The following PATJ variants were observed in gnomAD, a reference collection of about 807,000 sequenced individuals.
PATJ encodes the protein inaD-like protein.
PATJ carries 190 observed loss-of-function variants against 224.9 expected under a neutral mutation model. The ratio of observed to expected loss-of-function variants is 0.84; its 90% CI spans 0.75 to 0.95. The LOEUF is 0.95. PATJ is among the 40% of genes least tolerant of loss of function. PATJ has a pLI of 0.00. For missense variants in PATJ, 2,121 were observed against 2,270.3 expected, an observed-to-expected ratio of 0.93 and a Z score of 1.34; for synonymous variants, 769 against 820.3, an observed-to-expected ratio of 0.94 and a Z score of 1.07.
At position 61,795,802 on chromosome 1, in the gene PATJ, T is replaced by C. The variant is rs185705939; in HGVS notation, c.1260+244T>C. The stretch of plus-strand genomic sequence containing the variant: ...TAAAAAAGTATATTTTTTCTATACA[T>C]GTATGTTTGAAAGATGTTCTAGCAT... On this transcript the variant is annotated intron_variant, in intron 10 of 43. Transcript: ENST00000642238. Among the ~76,000 whole-genome samples, 4 of 152,300 alleles carry C rather than the reference T, an allele frequency of 2.6e-5. No homozygotes were observed. In the East Asian group the frequency reaches 5.8e-4, roughly 22 times the overall value.
At chr1:62,144,769 A>ATAT (rs1180544696) in intron 41 of PATJ, among the ~76,000 whole-genome samples, 14 of 58,696 alleles carry the variant, frequency 2.4e-4, no homozygotes, top group African/African-American at 9.2e-4. Flanking sequence ...TTATTTGCAA[A>ATAT]AAAAAAAAAT....
At chr1:61,965,102 AC>A (rs1357074425) in intron 27 of PATJ, among the ~76,000 whole-genome samples, 5 of 129,016 alleles carry the variant, frequency 3.9e-5, no homozygotes, top group African/African-American at 1.2e-4. Context: ...AGCCTGGGCC[AC>A]TGAAGGAGAC....
intron 7 of PATJ, among the ~76,000 whole-genome samples, chr1:61,779,535 C>T (rs1412324231): frequency 6.6e-6 from 1 of 152,170 alleles, no homozygotes; most frequent in Admixed American, 6.6e-5. Flanking sequence ...GCAGCAACAT[C>T]TAGATTAGTG....
intron 33 of PATJ, among the ~76,000 whole-genome samples, chr1:62,095,064 T>C (rs185237612): frequency 6.6e-6 from 1 of 152,338 alleles, no homozygotes; most frequent in East Asian, 1.9e-4. Context: ...AACAATTATC[T>C]GTTCAACCTA....
chr1:62,021,929 GT>G (rs1647107438), intron 29 of PATJ, among the ~76,000 whole-genome samples: 1 of 152,084 alleles, frequency 6.6e-6, no homozygotes, highest in Non-Finnish European at 1.5e-5. Context: ...TTTATAAATT[GT>G]ATTTCTTTAC....
intron 14 of PATJ, among the ~76,000 whole-genome samples, chr1:61,817,923 C>A (rs1020263865): frequency 6.6e-6 from 1 of 152,058 alleles, no homozygotes. Context: ...GTTACAAGAA[C>A]CAATCATGGG....
intron 33 of PATJ, among the ~76,000 whole-genome samples, chr1:62,091,876 C>T (rs1336431590): frequency 6.6e-6 from 1 of 151,884 alleles, no homozygotes; most frequent in Non-Finnish European, 1.5e-5. Context: ...GCCAACATGG[C>T]AAAACCCTGT....
chr1:62,031,253 A>T (rs1298352089), intron 29 of PATJ, among the ~76,000 whole-genome samples: 1 of 152,210 alleles, frequency 6.6e-6, no homozygotes, highest in Non-Finnish European at 1.5e-5. Context: ...CTAATCAAGC[A>T]CTGGTTCACC....
chr1:62,056,626 C>T (rs1314333282), intron 31 of PATJ, among the ~76,000 whole-genome samples: 1 of 151,988 alleles, frequency 6.6e-6, no homozygotes, highest in Non-Finnish European at 1.5e-5. Context: ...ATTAAAAATA[C>T]AAAAATTGGC....
chr1:62,017,286 C>T (rs1401452612), intron 28 of PATJ, among the ~76,000 whole-genome samples: 1 of 151,902 alleles, frequency 6.6e-6, no homozygotes, highest in South Asian at 2.1e-4. Context: ...TGGTGGTGCA[C>T]ACCTGTCGTC....
At chr1:62,159,604 T>C (rs1669650954) in intron 43 of PATJ, among the ~76,000 whole-genome samples, 1 of 149,966 alleles carries the variant, frequency 6.7e-6, no homozygotes, top group South Asian at 2.1e-4. Context: ...TGTCACCCAG[T>C]CTGGAGTGCA....
At chr1:61,771,871 C>G (rs1297279275) in intron 6 of PATJ, among the ~76,000 whole-genome samples, 1 of 151,948 alleles carries the variant, frequency 6.6e-6, no homozygotes, top group East Asian at 1.9e-4. Context: ...AGGCGCCCAC[C>G]ATCACACTTG....
At chr1:61,797,637 C>T (rs1195671762) in intron 11 of PATJ, among the ~76,000 whole-genome samples, 2 of 152,206 alleles carry the variant, frequency 1.3e-5, no homozygotes, top group African/African-American at 4.8e-5. Context: ...GTGCACCCGA[C>T]ATGCACTAAG....
At chr1:62,025,127 G>A (rs1320344102) in intron 29 of PATJ, among the ~76,000 whole-genome samples, 1 of 152,198 alleles carries the variant, frequency 6.6e-6, no homozygotes, top group African/African-American at 2.4e-5. Context: ...AAGAAATAGA[G>A]CTATCTGAAC....
intron 33 of PATJ, among the ~76,000 whole-genome samples, chr1:62,095,596 C>T (rs772512077): frequency 6.6e-6 from 1 of 152,242 alleles, no homozygotes; most frequent in Admixed American, 6.5e-5. Context: ...GTGGCAAGGA[C>T]TGCCTTTGTC....
chr1:62,088,090 C>A (rs1395675790), intron 33 of PATJ, among the ~76,000 whole-genome samples: 1 of 151,970 alleles, frequency 6.6e-6, no homozygotes, highest in East Asian at 1.9e-4. Flanking sequence ...GGGGTTTCTC[C>A]ATGTTGGTCA....
At chr1:61,848,747 C>T (rs961507125) in intron 17 of PATJ, among the ~76,000 whole-genome samples, 1 of 152,088 alleles carries the variant, frequency 6.6e-6, no homozygotes, top group Non-Finnish European at 1.5e-5. Context: ...TCTGCATTCT[C>T]TATTTTAGCA....
At chr1:61,757,806 T>C (rs561703616) in intron 1 of PATJ, among the ~76,000 whole-genome samples, 15 of 152,204 alleles carry the variant, frequency 9.9e-5, no homozygotes, top group Non-Finnish European at 1.8e-4. Flanking sequence ...TGTTACTACA[T>C]TGACTATCTT....
intron 31 of PATJ, among the ~76,000 whole-genome samples, chr1:62,074,836 T>C (rs1342563422): frequency 1.3e-5 from 2 of 152,050 alleles, no homozygotes; most frequent in Non-Finnish European, 2.9e-5. Flanking sequence ...TGGTGGCAGC[T>C]GCCTGTAATC....
Sources: gnomAD v4.1 joint callset for allele counts (sites outside exome capture counted in the v4.1 genomes callset) on GRCh38, gnomAD v4.1.1 for gene constraint, MANE v1.5 for transcripts, NCBI Gene and HGNC (gene_info 2026-07-23, HGNC 2026-07-21) for gene names.